LRP6: variants seen among roughly 807,000 people sequenced by gnomAD.
LRP6 encodes low-density lipoprotein receptor-related protein 6.
A neutral mutation model predicts 184.1 loss-of-function variants in LRP6; 43 were observed. The ratio of observed to expected loss-of-function variants is 0.23; its 90% CI spans 0.18 to 0.30. LRP6 has a LOEUF of 0.30. LRP6 is among the 10% of genes least tolerant of loss of function. The pLI, the probability that LRP6 is intolerant of heterozygous loss-of-function variation, is 1.00. For missense variants in LRP6, 1,571 were observed against 2,005.3 expected (o/e 0.78, Z 4.14); for synonymous variants, 719 against 684.9 (o/e 1.05, Z -0.78).
In LRP6 at chr12:12,132,039, G is replaced by T; in HGVS notation, c.3752C>A (p.Pro1251His). ...LSCGEPPTCS[P>H]QQFTCFTGEI... The stretch of plus-strand genomic sequence containing the variant: ...CCCCGTGAAACAAGTAAACTGCTGA[G>T]GAGAACATGTTGGAGGTTCTTCAAA... Residue 1251 changes from proline (P) to histidine (H), a missense_variant, in exon 18 of 23, where the codon CCT becomes CAT. Physicochemically the swap from Pro to His is moderately conservative, Grantham distance 77 (BLOSUM62 -2). Coordinates refer to ENST00000261349, the MANE Select transcript of LRP6 (RefSeq NM_002336.3). The T allele has an allele frequency of 6.2e-7, 1 of 1,613,802 alleles. No homozygotes were observed.
At chr12:12,189,905 G>A (rs1369800779) in intron 3 of LRP6, among the ~76,000 whole-genome samples, 1 of 152,036 alleles carries the variant, frequency 6.6e-6, no homozygotes, top group Non-Finnish European at 1.5e-5. Context: ...AACAGTTAGT[G>A]AACTGTTTTA....
chr12:12,154,368 T>C (rs1399006734), intron 12 of LRP6, among the ~76,000 whole-genome samples: 1 of 152,224 alleles, frequency 6.6e-6, no homozygotes, highest in Non-Finnish European at 1.5e-5. Context: ...CTGCAGTCCC[T>C]GTCACCATCA....
At chr12:12,229,686 A>AT (rs1207277607) in intron 2 of LRP6, among the ~76,000 whole-genome samples, 2 of 152,250 alleles carry the variant, frequency 1.3e-5, no homozygotes, top group East Asian at 3.8e-4. Flanking sequence ...TATCAGCAAC[A>AT]TATTTTAAAG....
chr12:12,123,041 G>GAA (rs35213442), intron 22 of LRP6, among the ~76,000 whole-genome samples: 103 of 137,970 alleles, frequency 7.5e-4, no homozygotes, highest in Non-Finnish European at 1.2e-3. Flanking sequence ...CTATTTTCAT[G>GAA]AAAAAAAAAA....
At chr12:12,219,505 C>A (rs1055703191) in intron 2 of LRP6, among the ~76,000 whole-genome samples, 3 of 152,136 alleles carry the variant, frequency 2.0e-5, no homozygotes, top group Non-Finnish European at 4.4e-5. Flanking sequence ...AACAGGCCAA[C>A]TGTCCTCCGC....
intron 4 of LRP6, among the ~76,000 whole-genome samples, chr12:12,186,215 C>CT (rs1863470130): frequency 6.6e-6 from 1 of 151,938 alleles, no homozygotes; most frequent in Admixed American, 6.5e-5. Context: ...ATAATATGAA[C>CT]AAAAAAACTC....
intron 1 of LRP6, among the ~76,000 whole-genome samples, chr12:12,260,401 T>C (rs1351326123): frequency 2.0e-5 from 3 of 150,610 alleles, no homozygotes; most frequent in Non-Finnish European, 4.4e-5. Context: ...AGAAAAAAAA[T>C]TTAGTGTCAT....
intron 1 of LRP6, among the ~76,000 whole-genome samples, chr12:12,259,133 G>A (rs925916971): frequency 6.6e-6 from 1 of 152,052 alleles, no homozygotes; most frequent in South Asian, 2.1e-4. Flanking sequence ...ATGATAGTGG[G>A]CGCCTACTAA....
At chr12:12,148,341 ACTT>A (rs1157470889) in intron 14 of LRP6, among the ~76,000 whole-genome samples, 1 of 152,104 alleles carries the variant, frequency 6.6e-6, no homozygotes, top group Non-Finnish European at 1.5e-5. Flanking sequence ...CATATAAATC[ACTT>A]CTTATATTTA....
chr12:12,121,471 G>T (rs1249698954), intron 22 of LRP6, 51 bp from the exon 23 acceptor site: 4 of 1,520,432 alleles, frequency 2.6e-6, no homozygotes, highest in African/African-American at 1.4e-5. Flanking sequence ...AAAAAAAAAT[G>T]ATTTCCCCTC....
intron 2 of LRP6, among the ~76,000 whole-genome samples, chr12:12,239,508 T>G (rs994923991): frequency 1.3e-5 from 2 of 152,156 alleles, no homozygotes; most frequent in Non-Finnish European, 2.9e-5. Context: ...ACAGTCATAT[T>G]TTATTCCTAG....
At chr12:12,147,240 G>A (rs1465323400) in intron 15 of LRP6, 126 bp downstream of exon 15, 2 of 1,034,778 alleles carry the variant, frequency 1.9e-6, no homozygotes, top group South Asian at 1.4e-5. Context: ...CCAACCTGAT[G>A]CTGACTACAT....
At chr12:12,139,449 T>C (rs1949898188) in intron 15 of LRP6, among the ~76,000 whole-genome samples, 1 of 152,160 alleles carries the variant, frequency 6.6e-6, no homozygotes, top group South Asian at 2.1e-4. Context: ...TTAGGCCGGG[T>C]GCAGTGGCAC....
intron 2 of LRP6, among the ~76,000 whole-genome samples, chr12:12,213,680 T>C (rs1379952098): frequency 6.6e-6 from 1 of 152,128 alleles, no homozygotes; most frequent in Non-Finnish European, 1.5e-5. Flanking sequence ...CATGAGATAC[T>C]GATATAAACT....
intron 3 of LRP6, among the ~76,000 whole-genome samples, chr12:12,192,481 T>TA (rs909919139): frequency 4.6e-5 from 7 of 151,918 alleles, no homozygotes; most frequent in Non-Finnish European, 5.9e-5. Flanking sequence ...CAAAGGCTGT[T>TA]AGACTGAATA....
chr12:12,195,152 T>C (rs1348695273), intron 3 of LRP6, among the ~76,000 whole-genome samples: 1 of 152,158 alleles, frequency 6.6e-6, no homozygotes, highest in Non-Finnish European at 1.5e-5. Context: ...TAAATAGTGC[T>C]GCAACAAACA....
chr12:12,147,705 C>T, intron 14 of LRP6, 149 bp from the exon 15 acceptor site: 1 of 684,512 alleles, frequency 1.5e-6, no homozygotes, highest in Middle Eastern at 4.0e-4. Context: ...GGCACAGTGG[C>T]TCATGCCTGT....
chr12:12,164,153 G>T, intron 9 of LRP6, 120 bp downstream of exon 9: 1 of 894,286 alleles, frequency 1.1e-6, no homozygotes, highest in Non-Finnish European at 1.7e-6. Context: ...AAACTTGAGG[G>T]TTTTTGTTGA....
chr12:12,266,903 C>G lies in LRP6; in HGVS notation c.-168G>C, dbSNP rs1865784912. Reference sequence around the variant, plus strand: ...GTCAAGGTTCCGCGCGCGCCGCCGCCGCCCTCTCTACCGCGCCGCTCGGCC... The same window carrying G: ...GTCAAGGTTCCGCGCGCGCCGCCGCGGCCCTCTCTACCGCGCCGCTCGGCC... On this transcript the variant is annotated 5_prime_UTR_variant, in exon 1 of 23. Coordinates refer to ENST00000261349, the MANE Select transcript of LRP6 (RefSeq NM_002336.3). 2 of 669,990 alleles carry G rather than the reference C, an allele frequency of 3.0e-6. No individual in the cohort carries two copies. Among genetic ancestry groups the G allele is most frequent in the South Asian group, 3.4e-5 (2 of 58,490 alleles). 41.5% of individuals were successfully genotyped at this position (669,990 alleles called of 1,614,324 possible).
Sources: gnomAD v4.1 joint callset for allele counts (sites outside exome capture counted in the v4.1 genomes callset) on GRCh38, gnomAD v4.1.1 for gene constraint, MANE v1.5 for transcripts, NCBI Gene and HGNC (gene_info 2026-07-23, HGNC 2026-07-21) for gene names.